The following CDH18 variants were observed in gnomAD, a reference collection of about 807,000 sequenced individuals.
The protein encoded by CDH18 is cadherin 18, also known as cadherin-18.
Under a neutral mutation model 67.9 loss-of-function variants are expected in CDH18, and 31 were observed. The ratio of observed to expected loss-of-function variants is 0.46; its 90% CI spans 0.34 to 0.62. The LOEUF is 0.62. Among genes scored for constraint, CDH18 ranks in the 20% least tolerant of loss-of-function variants. The pLI, the probability that CDH18 is intolerant of heterozygous loss-of-function variation, is 0.01. For missense variants in CDH18, 890 were observed against 975.5 expected, an observed-to-expected ratio of 0.91 and a Z score of 1.17; for synonymous variants, 362 against 347.2, an observed-to-expected ratio of 1.04 and a Z score of -0.48.
intron 2 of CDH18, among the ~76,000 whole-genome samples, chr5:20,242,087 G>A (rs1742972499): frequency 6.6e-6 from 1 of 151,366 alleles, no homozygotes; most frequent in Non-Finnish European, 1.5e-5. Flanking sequence ...GGTTGGATGA[G>A]TTTTAAATTA....
At chr5:19,493,027 G>A (rs140268330) in intron 11 of CDH18, among the ~76,000 whole-genome samples, 1 of 152,102 alleles carries the variant, frequency 6.6e-6, no homozygotes, top group African/African-American at 2.4e-5. Flanking sequence ...TTCCAACCAA[G>A]TAATTGACGC....
At chr5:19,787,323 GCA>G (rs577492752) in intron 3 of CDH18, among the ~76,000 whole-genome samples, 8,355 of 151,978 alleles carry the variant, frequency 0.055, 537 homozygotes, top group African/African-American at 0.16. Flanking sequence ...GTGGTGGTGC[GCA>G]CCTGTAGTCC....
At chr5:20,298,051 T>TC in intron 1 of CDH18, among the ~76,000 whole-genome samples, 1 of 152,258 alleles carries the variant, frequency 6.6e-6, no homozygotes, top group East Asian at 1.9e-4. Context: ...CGTAAGACTT[T>TC]TTTCCACCTT....
chr5:20,296,405 G>A (rs1418508428), intron 1 of CDH18, among the ~76,000 whole-genome samples: 1 of 151,260 alleles, frequency 6.6e-6, no homozygotes, highest in Non-Finnish European at 1.5e-5. Flanking sequence ...GGGACTACAG[G>A]CGCCCGCCAC....
At chr5:20,228,543 A>G (rs1741819488) in intron 2 of CDH18, among the ~76,000 whole-genome samples, 1 of 152,120 alleles carries the variant, frequency 6.6e-6, no homozygotes, top group East Asian at 1.9e-4. Context: ...TGTAGTAATC[A>G]TGTTGTACAA....
At chr5:19,555,567 T>A (rs1200625776) in intron 8 of CDH18, among the ~76,000 whole-genome samples, 1 of 152,102 alleles carries the variant, frequency 6.6e-6, no homozygotes. Flanking sequence ...CCTGGGAATA[T>A]AACTCCATTG....
At chr5:19,914,193 T>C (rs1377551013) in intron 2 of CDH18, among the ~76,000 whole-genome samples, 3 of 152,094 alleles carry the variant, frequency 2.0e-5, no homozygotes, top group African/African-American at 7.2e-5. Flanking sequence ...CAAAATTTAA[T>C]AGTGTCTTAT....
At chr5:20,181,374 C>A (rs1219844496) in intron 2 of CDH18, among the ~76,000 whole-genome samples, 1 of 152,052 alleles carries the variant, frequency 6.6e-6, no homozygotes, top group Admixed American at 6.6e-5. Context: ...CCCAGGATAT[C>A]TTGCTGCAGA....
intron 2 of CDH18, among the ~76,000 whole-genome samples, chr5:19,893,183 C>T (rs1353485259): frequency 6.6e-6 from 1 of 152,126 alleles, no homozygotes; most frequent in Non-Finnish European, 1.5e-5. Context: ...TTATGGATAT[C>T]CCAGCTTCCA....
chr5:20,070,517 T>C (rs1191872541), intron 2 of CDH18, among the ~76,000 whole-genome samples: 2 of 152,190 alleles, frequency 1.3e-5, no homozygotes, highest in Admixed American at 1.3e-4. Flanking sequence ...AGAGCGGTAT[T>C]AGGGAAAATA....
intron 2 of CDH18, among the ~76,000 whole-genome samples, chr5:20,144,445 A>C (rs1750486508): frequency 6.6e-6 from 1 of 152,152 alleles, no homozygotes; most frequent in Non-Finnish European, 1.5e-5. Flanking sequence ...CTCCTATAGC[A>C]GCAGTATATT....
chr5:20,053,536 A>T (rs945608209), intron 2 of CDH18, among the ~76,000 whole-genome samples: 6 of 152,096 alleles, frequency 3.9e-5, no homozygotes, highest in African/African-American at 1.4e-4. Context: ...CAGACTGAGT[A>T]TCTTGGAGGC....
intron 9 of CDH18, among the ~76,000 whole-genome samples, chr5:19,523,977 T>C (rs1414500344): frequency 1.3e-5 from 2 of 152,094 alleles, no homozygotes; most frequent in African/African-American, 4.8e-5. Flanking sequence ...CAGAAATGTG[T>C]CAGAAGACTG....
At chr5:19,511,785 G>C (rs1351215616) in intron 10 of CDH18, among the ~76,000 whole-genome samples, 1 of 152,106 alleles carries the variant, frequency 6.6e-6, no homozygotes, top group African/African-American at 2.4e-5. Flanking sequence ...AGGTTTTAAA[G>C]GGAAGCAGAG....
intron 9 of CDH18, among the ~76,000 whole-genome samples, chr5:19,527,504 A>T (rs1291929931): frequency 6.6e-6 from 1 of 151,666 alleles, no homozygotes; most frequent in African/African-American, 2.4e-5. Flanking sequence ...GCTATAATTT[A>T]TATGAAAGGT....
chr5:19,702,536 C>A (rs890012599), intron 5 of CDH18, among the ~76,000 whole-genome samples: 1 of 151,710 alleles, frequency 6.6e-6, no homozygotes, highest in African/African-American at 2.4e-5. Flanking sequence ...GAGTCCAAGA[C>A]AGGTTGATCA....
At chr5:19,753,808 A>G (rs913095692) in intron 3 of CDH18, among the ~76,000 whole-genome samples, 3 of 152,202 alleles carry the variant, frequency 2.0e-5, no homozygotes, top group East Asian at 1.9e-4. Flanking sequence ...GCTCGAAGGA[A>G]TTGGGGCTGT....
chr5:19,724,446 A>G (rs1766532077), intron 4 of CDH18, among the ~76,000 whole-genome samples: 1 of 152,014 alleles, frequency 6.6e-6, no homozygotes, highest in South Asian at 2.1e-4. Context: ...GATTATGGTA[A>G]TTGATGCATA....
chr5:19,794,362 G>T (rs1336292619), intron 3 of CDH18, among the ~76,000 whole-genome samples: 2 of 152,092 alleles, frequency 1.3e-5, no homozygotes, highest in African/African-American at 4.8e-5. Flanking sequence ...GATGGAGAAA[G>T]GGTGAGTTCT....
Sources: allele counts gnomAD v4.1 joint callset (sites outside exome capture counted in the v4.1 genomes callset), GRCh38; gene constraint gnomAD v4.1.1; transcripts MANE v1.5; gene names NCBI Gene and HGNC (gene_info 2026-07-23, HGNC 2026-07-21).